Variants in SCAF11 observed in about 807,000 individuals in gnomAD.
SCAF11 encodes SR-related CTD associated factor 11, also known as protein SCAF11.
In SCAF11, 47 loss-of-function variants were observed where a neutral mutation model predicts 140.5. That is an observed-to-expected ratio of 0.33 (90% confidence interval 0.26 to 0.43). The LOEUF is 0.43. Among genes scored for constraint, SCAF11 ranks in the 20% least tolerant of loss-of-function variants. The pLI, the probability that SCAF11 is intolerant of heterozygous loss-of-function variation, is 1.00. For synonymous variants in SCAF11, 557 were observed against 579.4 expected (o/e 0.96, Z 0.55); for missense variants, 1,645 against 1,705.1 (o/e 0.96, Z 0.62).
At position 45,990,380 on chromosome 12, in the gene SCAF11, C is replaced by G. The variant is rs975376088; in HGVS notation, c.-49G>C. On this transcript the variant is annotated 5_prime_UTR_variant, in exon 1 of 15. Coordinates refer to ENST00000369367, the MANE Select transcript of SCAF11 (RefSeq NM_004719.3). ...CAGACCGAGGTCGAGGCGCTCGGTC[C>G]GGCCGCGGCCCCACAGTAGGTTCCC... 1,014 of 1,232,298 alleles carry G rather than the reference C, an allele frequency of 8.2e-4. No individual in the cohort carries two copies. The highest frequency in any genetic ancestry group is 9.9e-4 in the Non-Finnish European group (982 of 988,454). 76.3% of individuals were successfully genotyped at this position (1,232,298 alleles called of 1,614,324 possible).
chr12:45,930,963 A>C (rs1340395044), intron 10 of SCAF11: 1 of 152,144 alleles, frequency 6.6e-6, no homozygotes, highest in East Asian at 1.9e-4. Flanking sequence ...CCCAGTTAAA[A>C]CCTATGTTGT....
intron 1 of SCAF11, among the ~76,000 whole-genome samples, chr12:45,978,140 G>A (rs1160142172): frequency 1.3e-5 from 2 of 152,134 alleles, no homozygotes; most frequent in Non-Finnish European, 2.9e-5. Context: ...CAAATGACAG[G>A]CTTCCATTAC....
At chr12:45,934,068 G>A (rs867722128) in intron 8 of SCAF11, 108 bp downstream of exon 8, 1 of 588,962 alleles carries the variant, frequency 1.7e-6, no homozygotes, top group African/African-American at 1.9e-5. Flanking sequence ...AAACAACCAG[G>A]TGGGCCTTTC....
intron 1 of SCAF11, among the ~76,000 whole-genome samples, chr12:45,983,918 G>A (rs1946403589): frequency 6.6e-6 from 1 of 152,154 alleles, no homozygotes; most frequent in Admixed American, 6.5e-5. Flanking sequence ...ATAGAGATGT[G>A]AGTCTTAAGA....
chr12:45,979,831 T>C (rs1014531753), intron 1 of SCAF11, among the ~76,000 whole-genome samples: 3 of 151,806 alleles, frequency 2.0e-5, no homozygotes, highest in South Asian at 4.1e-4. Flanking sequence ...CCTACTCCTA[T>C]GAAATACAAC....
chr12:45,926,201 C>T lies in SCAF11; in HGVS notation c.3500G>A (p.Arg1167Lys), dbSNP rs1944853475. The T allele has an allele frequency of 6.2e-7, 1 of 1,614,184 alleles. No homozygotes were observed. The highest frequency in any genetic ancestry group is 8.5e-7 in the Non-Finnish European group (1 of 1,180,018). Residue 1167 changes from arginine to lysine, a missense_variant, in exon 11 of 15, where the codon AGA becomes AAA. By Grantham distance (26) the Arg-to-Lys change is conservative (BLOSUM62 2). Coordinates refer to ENST00000369367, the MANE Select transcript of SCAF11 (RefSeq NM_004719.3). ...TCCAGACTGTGGACCTGAAGAATTT[C>T]TGCCTCGTCGTGAGTAGTAGTTTTG... The part of the protein sequence containing the change: ...DVQNYYSRRG[R>K]NSSGPQSGWM...
chr12:45,961,708 A>G lies in SCAF11; in HGVS notation c.211T>C (p.Trp71Arg). The change falls in exon 3 of 15, where the codon TGG becomes CGG. Residue 71 changes from tryptophan to arginine, a missense_variant. Trp to Arg is a moderately radical substitution (Grantham distance 101). Transcript: ENST00000369367. Reference sequence around the variant, plus strand: ...TAATGTGTCAGACTTACCTCTGCCCATTTAAGAATACAAGTCATACAGAAG... The same window carrying G: ...TAATGTGTCAGACTTACCTCTGCCCGTTTAAGAATACAAGTCATACAGAAG... ...HVFCMTCILK[W>R]AETLASCPID... 3 of 1,610,376 alleles carry G rather than the reference A, an allele frequency of 1.9e-6. No individual in the cohort carries two copies. The highest frequency in any genetic ancestry group is 1.1e-5 in the South Asian group (1 of 90,318).
At chr12:45,923,340 G>A (rs1944762388) in intron 12 of SCAF11, among the ~76,000 whole-genome samples, 186 bp from the exon 13 acceptor site, 1 of 151,902 alleles carries the variant, frequency 6.6e-6, no homozygotes, top group Non-Finnish European at 1.5e-5. Flanking sequence ...TCTTAAACGG[G>A]GCCTTATTTA....
intron 1 of SCAF11, among the ~76,000 whole-genome samples, chr12:45,969,843 C>T (rs989461341): frequency 6.6e-6 from 1 of 152,176 alleles, no homozygotes; most frequent in African/African-American, 2.4e-5. Flanking sequence ...CTCAAGCAAT[C>T]CTCCTGCCTC....
Position 45,988,023 on chromosome 12 carries a change from A to C in SCAF11, c.-22+2330T>G, listed in dbSNP as rs1046724510. On this transcript the variant is annotated intron_variant, in intron 1 of 14. Coordinates refer to ENST00000369367, the MANE Select transcript of SCAF11 (RefSeq NM_004719.3). ...GTTTTGGGAATAGCAAGAGAATGAT[A>C]CTGGATATTTTAACTCTGGGCTCTA... Among the ~76,000 whole-genome samples the C allele has an allele frequency of 1.2e-4, 18 of 152,346 alleles. 1 individual carries two copies. Among genetic ancestry groups the C allele is most frequent in the Admixed American group, 9.8e-4 (15 of 15,306 alleles).
intron 3 of SCAF11, among the ~76,000 whole-genome samples, chr12:45,953,093 GAA>G (rs1222795742): frequency 6.6e-6 from 1 of 152,160 alleles, no homozygotes; most frequent in Non-Finnish European, 1.5e-5. Flanking sequence ...TACCACATCT[GAA>G]TTAGGAAATG....
intron 6 of SCAF11, 176 bp downstream of exon 6, chr12:45,945,073 A>G (rs1463045654): frequency 3.5e-6 from 2 of 570,326 alleles, no homozygotes; most frequent in African/African-American, 4.0e-5. Flanking sequence ...AAAAAGGGGC[A>G]GAAAACAGTA....
chr12:45,926,698 AT>A lies in SCAF11; in HGVS notation c.3002del (p.Asn1001MetfsTer5). On this transcript the variant is annotated frameshift_variant, in exon 11 of 15. Transcript: ENST00000369367. LOFTEE classifies it high-confidence loss of function. ...KQNENTRKEK[N>X]DIHLDADDPN... is the part of the protein sequence containing the mutation. ...GATCATCAGCATCTAGATGGATGTCATTTTTTTCTTTTCTTGTATTTTCATT... is the reference window on the plus strand; with the variant it reads ...GATCATCAGCATCTAGATGGATGTCATTTTTTCTTTTCTTGTATTTTCATT... 1 of 1,612,982 alleles carries A rather than the reference AT, an allele frequency of 6.2e-7. No homozygotes were observed. The highest frequency in any genetic ancestry group is 8.5e-7 in the Non-Finnish European group (1 of 1,179,844).
intron 1 of SCAF11, among the ~76,000 whole-genome samples, chr12:45,964,528 G>A (rs533496164): frequency 1.8e-4 from 27 of 152,172 alleles, no homozygotes; most frequent in Non-Finnish European, 3.7e-4. Flanking sequence ...TTAGCCGGGC[G>A]TGGTGGCAGG....
At chr12:45,992,059 C>T, upstream of SCAF11, 2 of 1,288,008 alleles carry the variant, frequency 1.6e-6, no homozygotes, top group Non-Finnish European at 2.0e-6. Flanking sequence ...CCTGCATTCT[C>T]GCAGACTACG....
In SCAF11 at chr12:45,921,975, T is replaced by G; in HGVS notation, c.*73A>C. Reference sequence around the variant, plus strand: ...AATTTCAATCACAGTTATGTATGATTTTCAGTTAATGGTACATGTTGAAAT... The same window carrying G: ...AATTTCAATCACAGTTATGTATGATGTTCAGTTAATGGTACATGTTGAAAT... On this transcript the variant is annotated 3_prime_UTR_variant, in exon 15 of 15. Transcript: ENST00000369367. The G allele has an allele frequency of 2.0e-6, 3 of 1,488,204 alleles. No homozygotes were observed. Among genetic ancestry groups the G allele is most frequent in the Non-Finnish European group, 2.7e-6 (3 of 1,106,598 alleles). The allele number at this position is 1,488,204 out of a possible 1,614,324, so 92.2% of individuals were successfully genotyped here. A position where few individuals can be genotyped will look rare whatever the true frequency, so the allele number is the denominator to read the frequency against.
rs55655357 is a variant in SCAF11, at chr12:45,983,742, AACACACAC to A, written c.-22+6603_-22+6610del. ...AGGTCTGACTGACTCCTAAACCTAA[AACACACAC>A]ACACACACACACACACACACACACA... On this transcript the variant is annotated intron_variant, in intron 1 of 14. Transcript: ENST00000369367. Among the ~76,000 whole-genome samples, 820 of 133,976 alleles carry A rather than the reference AACACACAC, an allele frequency of 6.1e-3. 4 individuals carry two copies. Among genetic ancestry groups the A allele is most frequent in the African/African-American group, 0.019 (706 of 36,658 alleles). The allele number at this position is 133,976 out of a possible 152,430, so 87.9% of individuals were successfully genotyped here.
At chr12:45,985,150 G>A (rs1368404993) in intron 1 of SCAF11, among the ~76,000 whole-genome samples, 2 of 152,222 alleles carry the variant, frequency 1.3e-5, no homozygotes, top group African/African-American at 2.4e-5. Flanking sequence ...CAATGTCTAT[G>A]TGTAGAAAAC....
At chr12:45,932,764 A>C (rs909144674) in intron 9 of SCAF11, among the ~76,000 whole-genome samples, 1 of 152,092 alleles carries the variant, frequency 6.6e-6, no homozygotes, top group Non-Finnish European at 1.5e-5. Context: ...ATTTTTGAGG[A>C]GAGGAATATG....
Sources: allele counts gnomAD v4.1 joint callset (sites outside exome capture counted in the v4.1 genomes callset), GRCh38; gene constraint gnomAD v4.1.1; transcripts MANE v1.5; gene names NCBI Gene and HGNC (gene_info 2026-07-23, HGNC 2026-07-21).